Variants in SLC39A14 observed in about 807,000 individuals in gnomAD.
SLC39A14 encodes metal cation symporter ZIP14.
Under a neutral mutation model 45.5 loss-of-function variants are expected in SLC39A14, and 19 were observed. The ratio of observed to expected loss-of-function variants is 0.42; its 90% CI spans 0.29 to 0.61. The LOEUF is 0.61. Among genes scored for constraint, SLC39A14 ranks in the 20% least tolerant of loss-of-function variants. SLC39A14 has a pLI of 0.22. For missense variants in SLC39A14, 447 were observed against 616.5 expected, an observed-to-expected ratio of 0.73 and a Z score of 2.91; for synonymous variants, 264 against 251.3, an observed-to-expected ratio of 1.05 and a Z score of -0.48.
At chr8:22,368,322 T>C (rs968613701) in intron 1 of SLC39A14, among the ~76,000 whole-genome samples, 1 of 152,018 alleles carries the variant, frequency 6.6e-6, no homozygotes, top group Non-Finnish European at 1.5e-5. Context: ...CCCCAGGCCA[T>C]TGGGACGGCT....
At chr8:22,406,293 A>G (rs911141769) in intron 2 of SLC39A14, among the ~76,000 whole-genome samples, 1 of 152,064 alleles carries the variant, frequency 6.6e-6, no homozygotes, top group African/African-American at 2.4e-5. Context: ...TACTAAAAAT[A>G]CAAAAATTAG....
At chr8:22,432,975 A>T (rs1836491368) in intron 8 of SLC39A14, among the ~76,000 whole-genome samples, 1 of 151,278 alleles carries the variant, frequency 6.6e-6, no homozygotes, top group African/African-American at 2.4e-5. Flanking sequence ...TTTAAAAAAA[A>T]TTTTTGGTAA....
Position 22,420,613 on chromosome 8 carries a change from C to G in SLC39A14, c.*915C>G, listed in dbSNP as rs1034991590. ...CCTCTGTGTTAGAGGGGAGACTGCA[C>G]AAACTATCCTCCCCCAGGTTGAGAC... On this transcript the variant is annotated 3_prime_UTR_variant, in exon 9 of 9. Coordinates refer to ENST00000381237, the MANE Select transcript of SLC39A14 (RefSeq NM_001128431.4). 8.1e-6 allele frequency: 8 copies of G among 985,278 alleles called. No individual in the cohort carries two copies. In the Admixed American group the frequency reaches 4.9e-4, roughly 61 times the overall value. The allele number at this position is 985,278 out of a possible 1,614,324, so 61.0% of individuals were successfully genotyped here.
At chr8:22,381,803 A>G (rs891001540) in intron 1 of SLC39A14, among the ~76,000 whole-genome samples, 2 of 152,238 alleles carry the variant, frequency 1.3e-5, no homozygotes, top group Non-Finnish European at 1.5e-5. Context: ...ATATCTTGCC[A>G]TATAATAAAC....
intron 3 of SLC39A14, among the ~76,000 whole-genome samples, chr8:22,409,691 GGT>G (rs1835453066): frequency 6.6e-6 from 1 of 152,142 alleles, no homozygotes; most frequent in South Asian, 2.1e-4. Context: ...CTACTTGTAT[GGT>G]TTTTAGGCTT....
At chr8:22,424,913 C>T (rs1836357330), downstream of SLC39A14, among the ~76,000 whole-genome samples, 2 of 150,042 alleles carry the variant, frequency 1.3e-5, no homozygotes, top group Admixed American at 1.4e-4. Flanking sequence ...TCTGTAATCC[C>T]AGTTACTCAA....
intron 1 of SLC39A14, among the ~76,000 whole-genome samples, chr8:22,396,391 GAGAGAGAGAGAGAGAGA>G (rs1476458564): frequency 2.9e-4 from 2 of 6,952 alleles, no homozygotes; most frequent in Non-Finnish European, 3.9e-4. Flanking sequence ...TAAATAGAGA[GAGAGAGAGAGAGAGAGA>G]GAGAGGGGGG....
Position 22,422,257 on chromosome 8 carries a change from G to A in SLC39A14, c.*2559G>A, listed in dbSNP as rs369656436. On this transcript the variant is annotated 3_prime_UTR_variant, in exon 9 of 9. Coordinates refer to ENST00000381237, the MANE Select transcript of SLC39A14 (RefSeq NM_001128431.4). ...TGTATGTCACGTGCAGGAACAGTGA[G>A]GCAGGGACAGGGGTTCTGCTCCTTC... 6.1e-5 allele frequency: 60 copies of A among 985,534 alleles called. No homozygotes were observed. The East Asian group carries it at 1.5e-3, about 24-fold the overall frequency. 61.0% of individuals were successfully genotyped at this position (985,534 alleles called of 1,614,324 possible).
intron 1 of SLC39A14, among the ~76,000 whole-genome samples, chr8:22,398,485 G>C (rs1834645279): frequency 6.6e-6 from 1 of 152,146 alleles, no homozygotes; most frequent in South Asian, 2.1e-4. Context: ...TTGTGTTTCT[G>C]CGCCCAGAAT....
chr8:22,380,069 G>C (rs1400738708), intron 1 of SLC39A14, among the ~76,000 whole-genome samples: 1 of 152,056 alleles, frequency 6.6e-6, no homozygotes. Context: ...ACCTAGAGAT[G>C]GTTTAAAGTC....
chr8:22,423,372 A>C (rs181601919), downstream of SLC39A14, among the ~76,000 whole-genome samples: 57 of 131,864 alleles, frequency 4.3e-4, no homozygotes, highest in Non-Finnish European at 7.7e-4. Context: ...ATCTCACTCT[A>C]TTGCCCAGGC....
intron 1 of SLC39A14, among the ~76,000 whole-genome samples, chr8:22,393,809 A>G (rs893436125): frequency 6.6e-6 from 1 of 151,926 alleles, no homozygotes; most frequent in Non-Finnish European, 1.5e-5. Flanking sequence ...AGTAGCGGGG[A>G]CTACAGGCAT....
At chr8:22,430,348 G>A (rs147228534) in intron 8 of SLC39A14, among the ~76,000 whole-genome samples, 5 of 152,138 alleles carry the variant, frequency 3.3e-5, no homozygotes, top group African/African-American at 7.2e-5. Context: ...GATTACAGGC[G>A]TGGGCCATCG....
chr8:22,374,786 C>T (rs1467588311), intron 1 of SLC39A14, among the ~76,000 whole-genome samples: 1 of 138,996 alleles, frequency 7.2e-6, no homozygotes, highest in Non-Finnish European at 1.5e-5. Flanking sequence ...CACTCTGTTG[C>T]CCAGGCTAGA....
At position 22,422,443 on chromosome 8, in the gene SLC39A14, C is replaced by T; in HGVS notation, c.*2745C>T. The T allele has an allele frequency of 1.0e-6, 1 of 985,840 alleles. No individual in the cohort carries two copies. Among genetic ancestry groups the T allele is most frequent in the Non-Finnish European group, 1.2e-6 (1 of 829,936 alleles). 61.1% of individuals were successfully genotyped at this position (985,840 alleles called of 1,614,324 possible). The stretch of plus-strand genomic sequence containing the variant: ...GTAAGAGCTGAGTATAGTAAGTCCT[C>T]TTCCAAAGAGATGGCAATATGCTGG... On this transcript the variant is annotated 3_prime_UTR_variant, in exon 9 of 9. Transcript: ENST00000381237.
At chr8:22,407,144 T>C (rs1405234166) in intron 2 of SLC39A14, among the ~76,000 whole-genome samples, 3 of 152,222 alleles carry the variant, frequency 2.0e-5, no homozygotes, top group East Asian at 1.9e-4. Flanking sequence ...TGAACACATA[T>C]GTCTTTCAGG....
chr8:22,415,635 G>A (rs1586742984), intron 5 of SLC39A14, 134 bp from the exon 6 acceptor site: 1 of 776,630 alleles, frequency 1.3e-6, no homozygotes. Context: ...TTCTGGGCAC[G>A]TGACCTGCTT....
Position 22,419,769 on chromosome 8 carries a change from C to A in SLC39A14, c.*71C>A. On this transcript the variant is annotated 3_prime_UTR_variant, in exon 9 of 9. Transcript: ENST00000381237. ...CCCGATCGCCAGCCCGAGGACTTACCATCCACAATGCACCACGGAAGAGGC... is the reference window on the plus strand; with the variant it reads ...CCCGATCGCCAGCCCGAGGACTTACAATCCACAATGCACCACGGAAGAGGC... 6.6e-7 allele frequency: 1 copy of A among 1,505,466 alleles called. No individual in the cohort carries two copies. The highest frequency in any genetic ancestry group is 8.9e-7 in the Non-Finnish European group (1 of 1,129,444). The allele number at this position is 1,505,466 out of a possible 1,614,324, so 93.3% of individuals were successfully genotyped here. A position where few individuals can be genotyped will look rare whatever the true frequency, so the allele number is the denominator to read the frequency against.
chr8:22,374,185 G>A (rs1435926178), intron 1 of SLC39A14, among the ~76,000 whole-genome samples: 3 of 152,238 alleles, frequency 2.0e-5, no homozygotes, highest in African/African-American at 4.8e-5. Context: ...ACAGCAGGTG[G>A]TGGGGTTGGG....
Sources: gnomAD v4.1 joint callset for allele counts (sites outside exome capture counted in the v4.1 genomes callset) on GRCh38, gnomAD v4.1.1 for gene constraint, MANE v1.5 for transcripts, NCBI Gene and HGNC (gene_info 2026-07-23, HGNC 2026-07-21) for gene names.